The following SYNPO2 variants were observed in gnomAD, a reference collection of about 807,000 sequenced individuals.
SYNPO2 encodes synaptopodin 2.
A neutral mutation model predicts 85.0 loss-of-function variants in SYNPO2; 56 were observed. The observed-to-expected ratio is 0.66, with a 90% CI of 0.53 to 0.82. The LOEUF (loss-of-function observed/expected upper bound fraction) is 0.82, where lower values mean the gene tolerates loss of function less well. Ranked by LOEUF, SYNPO2 falls within the 40% of genes least tolerant of loss-of-function variation. SYNPO2 has a pLI of 0.00. For synonymous variants in SYNPO2, 602 were observed against 591.1 expected (o/e 1.02, Z -0.27); for missense variants, 1,575 against 1,534.2 (o/e 1.03, Z -0.44).
At chr4:118,955,993 T>C (rs1233184861) in intron 1 of SYNPO2, among the ~76,000 whole-genome samples, 1 of 152,110 alleles carries the variant, frequency 6.6e-6, no homozygotes, top group African/African-American at 2.4e-5. Flanking sequence ...ATCCTAGAAA[T>C]ATTATTAAGG....
intron 4 of SYNPO2, among the ~76,000 whole-genome samples, 187 bp from the exon 5 acceptor site, chr4:119,057,214 C>T (rs1237175225): frequency 6.6e-6 from 1 of 152,108 alleles, no homozygotes; most frequent in African/African-American, 2.4e-5. Context: ...GCACTTGGCC[C>T]ACTTTTGCAA....
chr4:118,919,031 C>A (rs1049968902), intron 1 of SYNPO2, among the ~76,000 whole-genome samples: 2 of 152,110 alleles, frequency 1.3e-5, no homozygotes, highest in African/African-American at 4.8e-5. Context: ...GCAGCACCAG[C>A]AGAAATGTTT....
intron 1 of SYNPO2, among the ~76,000 whole-genome samples, chr4:118,879,423 A>T (rs888500107): frequency 6.6e-6 from 1 of 152,180 alleles, no homozygotes; most frequent in African/African-American, 2.4e-5. Context: ...GAAGGTAATT[A>T]GCTCATGAGG....
intron 4 of SYNPO2, among the ~76,000 whole-genome samples, chr4:119,050,260 A>T (rs564174015): frequency 2.3e-4 from 35 of 151,894 alleles, no homozygotes; most frequent in Admixed American, 1.4e-3. Flanking sequence ...TCAACCCGGG[A>T]GGCAGAGGTT....
chr4:119,047,628 C>G (rs1738911355), intron 4 of SYNPO2, among the ~76,000 whole-genome samples: 1 of 152,188 alleles, frequency 6.6e-6, no homozygotes, highest in South Asian at 2.1e-4. Flanking sequence ...GAGACTAGAA[C>G]AAAATGACCT....
intron 1 of SYNPO2, among the ~76,000 whole-genome samples, chr4:118,936,584 C>T (rs1294561301): frequency 2.0e-5 from 3 of 152,160 alleles, no homozygotes; most frequent in Non-Finnish European, 4.4e-5. Context: ...AGCGTGATAA[C>T]CACCCAGGGT....
chr4:118,963,260 G>A (rs1033736393), intron 1 of SYNPO2, among the ~76,000 whole-genome samples: 2 of 152,114 alleles, frequency 1.3e-5, no homozygotes, highest in African/African-American at 4.8e-5. Context: ...CCACTGAAAT[G>A]TGTTTTCATC....
At chr4:118,948,763 T>C (rs1006430187) in intron 1 of SYNPO2, among the ~76,000 whole-genome samples, 1 of 152,166 alleles carries the variant, frequency 6.6e-6, no homozygotes, top group African/African-American at 2.4e-5. Context: ...ACCAAGACAT[T>C]CATGAGTGAT....
intron 1 of SYNPO2, among the ~76,000 whole-genome samples, chr4:118,918,516 T>C (rs1733431231): frequency 6.6e-6 from 1 of 152,196 alleles, no homozygotes; most frequent in African/African-American, 2.4e-5. Context: ...TTGTTTCTTT[T>C]TTCCTTTGCT....
At chr4:119,055,951 G>A (rs931934039) in intron 4 of SYNPO2, among the ~76,000 whole-genome samples, 1 of 151,976 alleles carries the variant, frequency 6.6e-6, no homozygotes, top group African/African-American at 2.4e-5. Flanking sequence ...CTAAATCCAG[G>A]TATTGATATT....
intron 4 of SYNPO2, among the ~76,000 whole-genome samples, chr4:119,054,919 G>A (rs951058221): frequency 1.6e-4 from 24 of 152,022 alleles, no homozygotes; most frequent in Admixed American, 3.9e-4. Context: ...AAAATCATGG[G>A]ACTCTGAAAA....
At chr4:118,953,459 G>A (rs1413755450) in intron 1 of SYNPO2, among the ~76,000 whole-genome samples, 2 of 152,112 alleles carry the variant, frequency 1.3e-5, no homozygotes, top group East Asian at 3.9e-4. Flanking sequence ...TAGGACAGGT[G>A]CTCATTACAC....
chr4:118,860,238 C>A (rs1053250742), intron 1 of SYNPO2, among the ~76,000 whole-genome samples: 3 of 152,136 alleles, frequency 2.0e-5, no homozygotes, highest in African/African-American at 2.4e-5. Flanking sequence ...TGTGCACAAC[C>A]CCCCCGCCAC....
intron 1 of SYNPO2, among the ~76,000 whole-genome samples, chr4:118,977,085 C>A (rs941481309): frequency 6.6e-6 from 1 of 152,184 alleles, no homozygotes; most frequent in Non-Finnish European, 1.5e-5. Flanking sequence ...TGGGACTGGG[C>A]GCCGTGGAGC....
At chr4:118,994,901 T>G (rs980700443) in intron 1 of SYNPO2, among the ~76,000 whole-genome samples, 1 of 152,238 alleles carries the variant, frequency 6.6e-6, no homozygotes. Flanking sequence ...AAGATGTACT[T>G]AGACCCTTTG....
In SYNPO2 at chr4:119,058,111, TACACACACACACAC is replaced by T; in HGVS notation, c.*183_*196del. 2.4e-6 allele frequency: 1 copy of T among 410,574 alleles called. No individual in the cohort carries two copies. Among genetic ancestry groups the T allele is most frequent in the East Asian group, 4.5e-5 (1 of 22,442 alleles). The allele number at this position is 410,574 out of a possible 1,614,324, so 25.4% of individuals were successfully genotyped here. On this transcript the variant is annotated 3_prime_UTR_variant, in exon 5 of 5. Transcript: ENST00000307142. The stretch of plus-strand genomic sequence containing the variant: ...GTGTGTGTGTGTATGTATGTGAATA[TACACACACACACAC>T]ACACAGGTGAGTGTGAATACTTCCT...
chr4:118,880,715 CCAGCCTGGGCGA>C (rs1389710839), intron 1 of SYNPO2, among the ~76,000 whole-genome samples: 2 of 149,192 alleles, frequency 1.3e-5, no homozygotes, highest in African/African-American at 2.5e-5. Context: ...CCACTGCACT[CCAGCCTGGGCGA>C]CAGAGCGAGA....
At chr4:118,981,064 G>A (rs533595431) in intron 1 of SYNPO2, among the ~76,000 whole-genome samples, 9 of 152,160 alleles carry the variant, frequency 5.9e-5, no homozygotes, top group African/African-American at 1.2e-4. Flanking sequence ...TGCTCATTGC[G>A]CTGGTCCAGT....
intron 4 of SYNPO2, among the ~76,000 whole-genome samples, chr4:119,046,749 C>T (rs1238060405): frequency 6.6e-6 from 1 of 152,176 alleles, no homozygotes; most frequent in Non-Finnish European, 1.5e-5. Flanking sequence ...AGTTGAATTG[C>T]GTGGATAACA....
Sources: allele counts gnomAD v4.1 joint callset (sites outside exome capture counted in the v4.1 genomes callset), GRCh38; gene constraint gnomAD v4.1.1; transcripts MANE v1.5; gene names NCBI Gene and HGNC (gene_info 2026-07-23, HGNC 2026-07-21).